RARS1: variants seen among roughly 807,000 people sequenced by gnomAD.
RARS1 encodes arginyl-tRNA synthetase 1.
A neutral mutation model predicts 78.7 loss-of-function variants in RARS1; 75 were observed. The observed-to-expected ratio is 0.95, with a 90% CI of 0.79 to 1.15. The LOEUF (loss-of-function observed/expected upper bound fraction) is 1.15. Ranked by LOEUF, RARS1 falls within the 50% of genes most tolerant of loss-of-function variation. The probability of loss-of-function intolerance (pLI) is 0.00; values close to 1 mark genes in which losing one functional copy is unlikely to be tolerated. For missense variants in RARS1, 787 were observed against 787.5 expected, an observed-to-expected ratio of 1.00 and a Z score of 0.01; for synonymous variants, 273 against 268.2, an observed-to-expected ratio of 1.02 and a Z score of -0.18.
intron 8 of RARS1, among the ~76,000 whole-genome samples, 181 bp from the exon 9 acceptor site, chr5:168,501,819 AT>A (rs1758329643): frequency 6.6e-6 from 1 of 152,130 alleles, no homozygotes; most frequent in Non-Finnish European, 1.5e-5. Flanking sequence ...GTACCTTACC[AT>A]TTTCTTTCCC....
At chr5:168,503,482 T>C (rs982889546) in intron 9 of RARS1, among the ~76,000 whole-genome samples, 2 of 152,226 alleles carry the variant, frequency 1.3e-5, no homozygotes, top group Non-Finnish European at 2.9e-5. Flanking sequence ...TTTGATATTA[T>C]TGTGGTGGGC....
rs113580372 is a variant in RARS1, at chr5:168,490,964, C to G, written c.181-1695C>G. Among the ~76,000 whole-genome samples the G allele has an allele frequency of 8.8e-3, 1,337 of 152,004 alleles. 12 individuals carry two copies. The highest frequency in any genetic ancestry group is 0.029 in the African/African-American group (1,196 of 41,470). The stretch of plus-strand genomic sequence containing the variant: ...CCAGCCCAGCCAACATGGCAAAACC[C>G]TGTCTCTACTAAAAATACAAAAATT... On this transcript the variant is annotated intron_variant, in intron 2 of 14. Transcript: ENST00000231572.
At chr5:168,491,442 T>A (rs144926937) in intron 2 of RARS1, among the ~76,000 whole-genome samples, 52 of 152,280 alleles carry the variant, frequency 3.4e-4, no homozygotes, top group African/African-American at 1.2e-3. Context: ...TTGGGAAAAA[T>A]GTATCTTCCT....
At chr5:168,493,820 C>A in intron 3 of RARS1, 74 bp from the exon 4 acceptor site, 2 of 1,162,352 alleles carry the variant, frequency 1.7e-6, no homozygotes, top group Non-Finnish European at 2.5e-6. Flanking sequence ...GCATCTCGTG[C>A]CTTGTCAGGT....
At chr5:168,494,458 A>G in intron 4 of RARS1, 92 bp from the exon 5 acceptor site, 7 of 1,545,190 alleles carry the variant, frequency 4.5e-6, no homozygotes, top group Non-Finnish European at 6.1e-6. Flanking sequence ...GAATTTTGCC[A>G]GAGCCAGGTC....
intron 13 of RARS1, 73 bp from the exon 14 acceptor site, chr5:168,517,742 C>A: frequency 6.5e-7 from 1 of 1,542,920 alleles, no homozygotes; most frequent in South Asian, 1.3e-5. Flanking sequence ...GTGATAATTT[C>A]GAGTGGAGAA....
At chr5:168,506,408 A>T (rs1472051251) in intron 10 of RARS1, among the ~76,000 whole-genome samples, 1 of 152,142 alleles carries the variant, frequency 6.6e-6, no homozygotes. Flanking sequence ...ACAAACTGGA[A>T]CCTCTGAACT....
intron 12 of RARS1, among the ~76,000 whole-genome samples, chr5:168,511,002 AC>A (rs1161057035): frequency 2.0e-5 from 3 of 152,174 alleles, no homozygotes; most frequent in African/African-American, 7.2e-5. Flanking sequence ...TCGTCAGCTC[AC>A]ATCAGAGTCT....
intron 6 of RARS1, among the ~76,000 whole-genome samples, chr5:168,496,059 G>A (rs951622176): frequency 2.0e-5 from 3 of 152,066 alleles, no homozygotes; most frequent in African/African-American, 7.2e-5. Context: ...TTACTGTGAA[G>A]AAGCTAGACA....
intron 5 of RARS1, chr5:168,495,113 A>T: frequency 1.2e-6 from 1 of 854,458 alleles, no homozygotes; most frequent in South Asian, 2.5e-5. Context: ...ATTCTTTTTC[A>T]GTTAAAAATA....
chr5:168,509,199 T>C (rs1727280578), intron 11 of RARS1, among the ~76,000 whole-genome samples: 1 of 152,314 alleles, frequency 6.6e-6, no homozygotes, highest in Admixed American at 6.5e-5. Context: ...ATCAGAGATT[T>C]GAAAGTTGAA....
Position 168,506,069 on chromosome 5 carries a change from G to T in RARS1, c.1106G>T (p.Cys369Phe). The T allele has an allele frequency of 1.2e-6, 2 of 1,608,014 alleles. No individual in the cohort carries two copies. The highest frequency in any genetic ancestry group is 8.5e-7 in the Non-Finnish European group (1 of 1,177,558). Reference sequence around the variant, plus strand: ...AGAAAGATTGTATTTGTCCCAGGGTGTTCCATACCATTAACCATAGTAAAA... The same window carrying T: ...AGAAAGATTGTATTTGTCCCAGGGTTTTCCATACCATTAACCATAGTAAAA... ...DGRKIVFVPG[C>F]SIPLTIVKSD... Residue 369 changes from cysteine (C) to phenylalanine (F), a missense_variant, in exon 10 of 15, where the codon TGT becomes TTT. Cys to Phe is a radical substitution (Grantham distance 205, BLOSUM62 -2). Transcript: ENST00000231572.
At chr5:168,489,812 CTTTTTTTTT>C (rs35560247) in intron 2 of RARS1, among the ~76,000 whole-genome samples, 13 of 130,328 alleles carry the variant, frequency 1.0e-4, no homozygotes, top group Non-Finnish European at 2.1e-4. Context: ...CTCATATTAT[CTTTTTTTTT>C]TTTTTTTTTT....
intron 9 of RARS1, among the ~76,000 whole-genome samples, chr5:168,505,298 G>A (rs1758413184): frequency 6.6e-6 from 1 of 152,104 alleles, no homozygotes; most frequent in Non-Finnish European, 1.5e-5. Context: ...AGCTGCTACT[G>A]TTATCATGTT....
intron 9 of RARS1, among the ~76,000 whole-genome samples, chr5:168,505,383 T>C (rs1758415074): frequency 6.6e-6 from 1 of 152,186 alleles, no homozygotes; most frequent in Admixed American, 6.5e-5. Flanking sequence ...TAATTTTTCT[T>C]CCTACTTCTC....
rs1282635630 is a variant in RARS1, at chr5:168,511,590, CTGTT to C, written c.1452+909_1452+912del. On this transcript the variant is annotated intron_variant, in intron 12 of 14. Coordinates refer to ENST00000231572, the MANE Select transcript of RARS1 (RefSeq NM_002887.4). ...AAAAGTGGTAAGTTCAGTCATCTAG[CTGTT>C]TGTTAGTCTGCCTGATGACAAAAAT... Among the ~76,000 whole-genome samples the C allele has an allele frequency of 2.0e-5, 3 of 152,278 alleles. No homozygotes were observed. The East Asian group carries it at 5.8e-4, about 29-fold the overall frequency.
At chr5:168,497,943 C>G (rs532317654) in intron 7 of RARS1, 1 of 152,066 alleles carries the variant, frequency 6.6e-6, no homozygotes, top group African/African-American at 2.4e-5. Context: ...AAATCAAATT[C>G]TAGGTCAGGT....
chr5:168,512,429 C>T (rs1291269015), intron 12 of RARS1, among the ~76,000 whole-genome samples: 1 of 152,106 alleles, frequency 6.6e-6, no homozygotes, highest in African/African-American at 2.4e-5. Flanking sequence ...GTTGTATACT[C>T]CCACTACTAA....
At chr5:168,488,347 T>G (rs939236884) in intron 1 of RARS1, 1 of 404,700 alleles carries the variant, frequency 2.5e-6, no homozygotes, top group Admixed American at 4.1e-5. Context: ...ATGCTGGTCT[T>G]GAACTCTTGG....
Sources: allele counts gnomAD v4.1 joint callset (sites outside exome capture counted in the v4.1 genomes callset), GRCh38; gene constraint gnomAD v4.1.1; transcripts MANE v1.5; gene names NCBI Gene and HGNC (gene_info 2026-07-23, HGNC 2026-07-21).